The following UBE3C variants were observed in gnomAD, a reference collection of about 807,000 sequenced individuals.
UBE3C encodes the protein ubiquitin-protein ligase E3C.
Under a neutral mutation model 129.4 loss-of-function variants are expected in UBE3C, and 42 were observed. That is an observed-to-expected ratio of 0.32 (90% confidence interval 0.25 to 0.42). The LOEUF is 0.42. UBE3C is among the 10% of genes least tolerant of loss of function. The probability of loss-of-function intolerance (pLI) is 1.00; values close to 1 mark genes in which losing one functional copy is unlikely to be tolerated. For missense variants in UBE3C, 1,049 were observed against 1,319.1 expected, an observed-to-expected ratio of 0.80 and a Z score of 3.17; for synonymous variants, 510 against 492.4, an observed-to-expected ratio of 1.04 and a Z score of -0.47.
chr7:157,241,810 A>G (rs1796335693), intron 18 of UBE3C, among the ~76,000 whole-genome samples: 1 of 152,242 alleles, frequency 6.6e-6, no homozygotes, highest in Admixed American at 6.5e-5. Context: ...TCATCCATAC[A>G]GTGGACTATT....
intron 13 of UBE3C, among the ~76,000 whole-genome samples, chr7:157,211,940 C>T (rs1017475720): frequency 2.0e-5 from 3 of 152,236 alleles, no homozygotes; most frequent in African/African-American, 4.8e-5. Context: ...GAAGCACCAG[C>T]TGCTGCGTCA....
chr7:157,244,511 C>G (rs1796426499), intron 18 of UBE3C, among the ~76,000 whole-genome samples: 1 of 152,120 alleles, frequency 6.6e-6, no homozygotes, highest in African/African-American at 2.4e-5. Flanking sequence ...GACATCATCT[C>G]TTATATAGTT....
chr7:157,161,348 T>A (rs527288270), intron 1 of UBE3C, among the ~76,000 whole-genome samples: 1 of 152,182 alleles, frequency 6.6e-6, no homozygotes, highest in South Asian at 2.1e-4. Context: ...TCATTTTAAT[T>A]AAGTTTAAAA....
intron 18 of UBE3C, among the ~76,000 whole-genome samples, chr7:157,244,434 A>G (rs566262301): frequency 7.0e-4 from 106 of 152,256 alleles, no homozygotes; most frequent in Non-Finnish European, 1.2e-3. Context: ...TTTTTAAATT[A>G]TATGGTTAAT....
intron 15 of UBE3C, 127 bp downstream of exon 15, chr7:157,220,903 A>C: frequency 8.6e-7 from 1 of 1,161,950 alleles, no homozygotes; most frequent in Non-Finnish European, 1.2e-6. Context: ...AGGAGCTACC[A>C]TGTAGAAAAG....
intron 16 of UBE3C, among the ~76,000 whole-genome samples, chr7:157,224,894 G>T (rs961472616): frequency 6.6e-6 from 1 of 151,958 alleles, no homozygotes; most frequent in African/African-American, 2.4e-5. Flanking sequence ...TTTGAATTTT[G>T]TCAGAGATAT....
rs554897617 is a variant in UBE3C, at chr7:157,267,771, C to G, written c.*16C>G. The stretch of plus-strand genomic sequence containing the variant: ...GCTGAGCTGAAGCTGATGCTGGGGT[C>G]AGACCCCTACAGAGAACCAGTGCTT... On this transcript the variant is annotated 3_prime_UTR_variant, in exon 23 of 23. Coordinates refer to ENST00000348165, the MANE Select transcript of UBE3C (RefSeq NM_014671.3). 2 of 1,556,268 alleles carry G rather than the reference C, an allele frequency of 1.3e-6. No individual in the cohort carries two copies. The highest frequency in any genetic ancestry group is 8.7e-7 in the Non-Finnish European group (1 of 1,153,704).
At chr7:157,235,188 T>C (rs1796124234) in intron 18 of UBE3C, among the ~76,000 whole-genome samples, 2 of 152,058 alleles carry the variant, frequency 1.3e-5, no homozygotes, top group Non-Finnish European at 2.9e-5. Flanking sequence ...AAACTCTGTC[T>C]CAAATTAAAA....
At chr7:157,184,137 C>T (rs564041011) in intron 9 of UBE3C, 108 bp downstream of exon 9, 46 of 1,416,992 alleles carry the variant, frequency 3.2e-5, no homozygotes, top group Non-Finnish European at 3.8e-5. Flanking sequence ...GACCCTCAAG[C>T]AGCCTTTGCA....
chr7:157,192,512 C>T, intron 10 of UBE3C: 1 of 760,946 alleles, frequency 1.3e-6, no homozygotes, highest in Non-Finnish European at 2.4e-6. Flanking sequence ...TGCTGGCAAG[C>T]AACTGGAAGA....
At chr7:157,168,707 A>C (rs930541701) in intron 2 of UBE3C, among the ~76,000 whole-genome samples, 1 of 152,262 alleles carries the variant, frequency 6.6e-6, no homozygotes, top group East Asian at 1.9e-4. Flanking sequence ...AGCATATTGT[A>C]TGATTCCATT....
chr7:157,199,090 T>C (rs1809206246), intron 10 of UBE3C, among the ~76,000 whole-genome samples: 1 of 152,262 alleles, frequency 6.6e-6, no homozygotes, highest in African/African-American at 2.4e-5. Context: ...GATGGATTTA[T>C]AGCAGGGTAT....
intron 8 of UBE3C, among the ~76,000 whole-genome samples, chr7:157,182,815 C>G (rs917677581): frequency 6.6e-6 from 1 of 152,164 alleles, no homozygotes; most frequent in African/African-American, 2.4e-5. Context: ...GTGGCTCCAT[C>G]TCAGCTCACT....
chr7:157,150,378 C>CAA (rs34169017), intron 1 of UBE3C, among the ~76,000 whole-genome samples: 5,536 of 136,740 alleles, frequency 0.04, 136 homozygotes, highest in Non-Finnish European at 0.062. Flanking sequence ...GACTCTGTCT[C>CAA]AAAAAAAAAA....
chr7:157,240,486 G>A (rs2116659444), intron 18 of UBE3C, among the ~76,000 whole-genome samples: 1 of 152,286 alleles, frequency 6.6e-6, no homozygotes, highest in South Asian at 2.1e-4. Flanking sequence ...ATATCATAAA[G>A]TGAAGTGAGA....
chr7:157,201,306 A>G (rs1809273741), intron 10 of UBE3C, among the ~76,000 whole-genome samples: 1 of 152,182 alleles, frequency 6.6e-6, no homozygotes, highest in African/African-American at 2.4e-5. Flanking sequence ...CCTGGGCAAC[A>G]GAGCAAGACC....
intron 10 of UBE3C, among the ~76,000 whole-genome samples, chr7:157,192,211 T>A (rs1324371590): frequency 1.3e-5 from 2 of 152,194 alleles, no homozygotes; most frequent in African/African-American, 4.8e-5. Context: ...GATAATTGTT[T>A]CCCGGGAAAT....
intron 2 of UBE3C, among the ~76,000 whole-genome samples, chr7:157,167,560 C>T (rs866116030): frequency 1.3e-4 from 19 of 150,230 alleles, no homozygotes; most frequent in African/African-American, 2.7e-4. Context: ...TTTTTTGAGA[C>T]GGAGTCTCAC....
chr7:157,256,944 A>C lies in UBE3C; in HGVS notation c.2981A>C (p.Lys994Thr), dbSNP rs1563077411. 6.2e-7 allele frequency: 1 copy of C among 1,614,142 alleles called. No homozygotes were observed. The highest frequency in any genetic ancestry group is 1.7e-5 in the Admixed American group (1 of 60,016). ...GGYSADHPVIKVFWRVVEGFT... is the reference protein window; with the variant it reads ...GGYSADHPVITVFWRVVEGFT... ...TATTCTGCAGACCATCCTGTTATTAAGGTCTTCTGGAGAGTTGTGGAAGGG... is the reference window on the plus strand; with the variant it reads ...TATTCTGCAGACCATCCTGTTATTACGGTCTTCTGGAGAGTTGTGGAAGGG... The change falls in exon 22 of 23, where the codon AAG (lysine) becomes ACG (threonine). Residue 994 changes from lysine to threonine, a missense_variant. Coordinates refer to ENST00000348165, the MANE Select transcript of UBE3C (RefSeq NM_014671.3).
Sources: allele counts gnomAD v4.1 joint callset (sites outside exome capture counted in the v4.1 genomes callset), GRCh38; gene constraint gnomAD v4.1.1; transcripts MANE v1.5; gene names NCBI Gene and HGNC (gene_info 2026-07-23, HGNC 2026-07-21).